G2E3: variants seen among roughly 807,000 people sequenced by gnomAD.
G2E3 encodes the protein G2/M phase-specific E3 ubiquitin-protein ligase.
G2E3 carries 35 observed loss-of-function variants against 92.8 expected under a neutral mutation model. That is an observed-to-expected ratio of 0.38 (90% confidence interval 0.29 to 0.50). The LOEUF (loss-of-function observed/expected upper bound fraction) is 0.50, where lower values mean the gene tolerates loss of function less well. G2E3 is among the 20% of genes least tolerant of loss of function. The probability of loss-of-function intolerance (pLI) is 0.94; values close to 1 mark genes in which losing one functional copy is unlikely to be tolerated. For synonymous variants in G2E3, 242 were observed against 272.4 expected (o/e 0.89, Z 1.10); for missense variants, 554 against 823.8 (o/e 0.67, Z 4.01).
intron 1 of G2E3, among the ~76,000 whole-genome samples, chr14:30,566,150 C>A (rs1566523195): frequency 6.6e-6 from 1 of 152,130 alleles, no homozygotes; most frequent in Non-Finnish European, 1.5e-5. Context: ...ACCACATTGT[C>A]TTGATTACAG....
intron 10 of G2E3, among the ~76,000 whole-genome samples, chr14:30,603,344 TAGC>T (rs1466541385): frequency 1.3e-5 from 2 of 149,070 alleles, no homozygotes; most frequent in African/African-American, 4.9e-5. Context: ...AAAAAAAAGG[TAGC>T]AAAATAATAA....
At position 30,605,387 on chromosome 14, in the gene G2E3, G is replaced by A. The variant is rs997458627; in HGVS notation, c.1011-118G>A. The stretch of plus-strand genomic sequence containing the variant: ...TGTTACAATTTTGGGTGGGAATTGG[G>A]GAAGAATATCCTATTAATCTTTTTT... On this transcript the variant is annotated intron_variant, in intron 10 of 14. Coordinates refer to ENST00000206595, the MANE Select transcript of G2E3 (RefSeq NM_017769.5). 2.8e-5 allele frequency: 13 copies of A among 463,804 alleles called. No individual in the cohort carries two copies. In the Admixed American group the frequency reaches 3.1e-4, roughly 11 times the overall value. The allele number at this position is 463,804 out of a possible 1,614,324, so 28.7% of individuals were successfully genotyped here.
chr14:30,573,528 T>A (rs1314562910), intron 1 of G2E3: 1 of 151,948 alleles, frequency 6.6e-6, no homozygotes, highest in Non-Finnish European at 1.5e-5. Context: ...GTGTGAACAG[T>A]CCCATTATCT....
At position 30,598,429 on chromosome 14, in the gene G2E3, C is replaced by T. The variant is rs1182503731; in HGVS notation, c.636-54C>T. On this transcript the variant is annotated intron_variant, in intron 7 of 14. Coordinates refer to ENST00000206595, the MANE Select transcript of G2E3 (RefSeq NM_017769.5). Reference sequence around the variant, plus strand: ...TTTATTTTTAGATTCATTCCTGATCCTCTTATGTAACATTATTTATAGGTC... The same window carrying T: ...TTTATTTTTAGATTCATTCCTGATCTTCTTATGTAACATTATTTATAGGTC... 8.9e-6 allele frequency: 10 copies of T among 1,124,152 alleles called. No homozygotes were observed. The East Asian group carries it at 1.2e-4, about 13-fold the overall frequency. The allele number at this position is 1,124,152 out of a possible 1,614,324, so 69.6% of individuals were successfully genotyped here.
At chr14:30,608,707 T>G (rs540953328) in intron 12 of G2E3, among the ~76,000 whole-genome samples, 1 of 152,398 alleles carries the variant, frequency 6.6e-6, no homozygotes, top group African/African-American at 2.4e-5. Flanking sequence ...AACATGTTAC[T>G]GCTTTAAAAA....
Position 30,605,053 on chromosome 14 carries a change from C to T in G2E3, c.1011-452C>T, listed in dbSNP as rs565341811. On this transcript the variant is annotated intron_variant, in intron 10 of 14. Transcript: ENST00000206595. ...CTGGGATTACAGGCATACGCCACGA[C>T]GCCCAGCTTATTTTGTATTTTCAGT... Among the ~76,000 whole-genome samples, 7 of 152,292 alleles carry T rather than the reference C, an allele frequency of 4.6e-5. No individual in the cohort carries two copies. In the South Asian group the frequency reaches 1.4e-3, roughly 32 times the overall value.
At chr14:30,614,472 T>G (rs570552969) in intron 13 of G2E3, among the ~76,000 whole-genome samples, 2 of 152,326 alleles carry the variant, frequency 1.3e-5, no homozygotes, top group South Asian at 2.1e-4. Context: ...GAACTTACCC[T>G]TTTTATCAGG....
At chr14:30,563,118 C>G (rs1411976579) in intron 1 of G2E3, among the ~76,000 whole-genome samples, 1 of 150,108 alleles carries the variant, frequency 6.7e-6, no homozygotes, top group Non-Finnish European at 1.5e-5. Flanking sequence ...GGGAGAAAAA[C>G]CCACCGATCC....
chr14:30,608,474 T>G (rs1271327603), intron 12 of G2E3, among the ~76,000 whole-genome samples: 1 of 152,194 alleles, frequency 6.6e-6, no homozygotes, highest in Admixed American at 6.5e-5. Context: ...GGCTTACCAG[T>G]TAGAATACTT....
intron 4 of G2E3, among the ~76,000 whole-genome samples, chr14:30,589,966 A>G (rs1303677912): frequency 6.6e-6 from 1 of 152,116 alleles, no homozygotes; most frequent in African/African-American, 2.4e-5. Flanking sequence ...ACCCTTCTCT[A>G]ACATTGTGTG....
At chr14:30,570,814 G>T (rs562910692) in intron 1 of G2E3, among the ~76,000 whole-genome samples, 5 of 152,034 alleles carry the variant, frequency 3.3e-5, no homozygotes, top group Non-Finnish European at 5.9e-5. Flanking sequence ...CACCATTTTC[G>T]TGGATGTGTT....
Position 30,616,523 on chromosome 14 carries a change from A to G in G2E3, c.2110A>G (p.Ile704Val), listed in dbSNP as rs755794844. ...AGAAAAGGAAGAAAGTTCTCATTACATTGGACATTAAAATGTTTCCTTGAA... is the reference window on the plus strand; with the variant it reads ...AGAAAAGGAAGAAAGTTCTCATTACGTTGGACATTAAAATGTTTCCTTGAA... Reference protein sequence around the residue: ...RLEKEESSHYIGH With the variant: ...RLEKEESSHYVGH The change falls in exon 15 of 15, where the codon ATT becomes GTT. Residue 704 changes from isoleucine (I) to valine (V), a missense_variant. By Grantham distance (29) the Ile-to-Val change is conservative. Coordinates refer to ENST00000206595, the MANE Select transcript of G2E3 (RefSeq NM_017769.5). 61 of 1,588,724 alleles carry G rather than the reference A, an allele frequency of 3.8e-5. No individual in the cohort carries two copies. The highest frequency in any genetic ancestry group is 2.8e-4 in the Admixed American group (15 of 54,272).
intron 8 of G2E3, among the ~76,000 whole-genome samples, chr14:30,599,888 T>G (rs1881481531): frequency 6.6e-6 from 1 of 152,228 alleles, no homozygotes; most frequent in Non-Finnish European, 1.5e-5. Context: ...CATCTAGCAC[T>G]GTTCCTTTTG....
chr14:30,577,728 A>G (rs770747750), intron 1 of G2E3: 1 of 152,198 alleles, frequency 6.6e-6, no homozygotes, highest in Non-Finnish European at 1.5e-5. Flanking sequence ...TTTCTGCCAC[A>G]GTCTTTTTTG....
chr14:30,594,282 A>C (rs1289968259), intron 6 of G2E3, among the ~76,000 whole-genome samples: 1 of 152,360 alleles, frequency 6.6e-6, no homozygotes, highest in South Asian at 2.1e-4. Flanking sequence ...TAATATGTAC[A>C]TGTGAAAGTG....
At chr14:30,572,030 A>G (rs1230216736) in intron 1 of G2E3, among the ~76,000 whole-genome samples, 2 of 150,470 alleles carry the variant, frequency 1.3e-5, no homozygotes, top group African/African-American at 2.4e-5. Flanking sequence ...AGCATTGTCT[A>G]TCTCTTCATT....
chr14:30,562,385 C>T (rs1403877734), intron 1 of G2E3, among the ~76,000 whole-genome samples: 1 of 151,972 alleles, frequency 6.6e-6, no homozygotes, highest in African/African-American at 2.4e-5. Context: ...AAAACCAGGC[C>T]ATACAGAGAT....
intron 1 of G2E3, among the ~76,000 whole-genome samples, chr14:30,575,370 C>T (rs757665559): frequency 6.6e-6 from 1 of 152,132 alleles, no homozygotes; most frequent in Non-Finnish European, 1.5e-5. Context: ...ATTGAGGGAA[C>T]ATACCTCAAA....
intron 1 of G2E3, among the ~76,000 whole-genome samples, chr14:30,575,671 T>A (rs114538527): frequency 0.017 from 2,552 of 152,274 alleles, 92 homozygotes; most frequent in African/African-American, 0.058. Flanking sequence ...TCAGCAAAGT[T>A]GCAGGATGCA....
Sources: gnomAD v4.1 joint callset for allele counts (sites outside exome capture counted in the v4.1 genomes callset) on GRCh38, gnomAD v4.1.1 for gene constraint, MANE v1.5 for transcripts, NCBI Gene and HGNC (gene_info 2026-07-23, HGNC 2026-07-21) for gene names.